Variants in EEIG1 observed in about 807,000 individuals in gnomAD.
EEIG1 encodes the protein estrogen-induced osteoclastogenesis regulator 1, also known as early estrogen-induced gene 1 protein.
At chr9:127,953,135 G>GAA in the EEIG1 span, 1 of 165,178 alleles carries the variant, frequency 6.1e-6, no homozygotes, top group African/African-American at 2.4e-5. Flanking sequence ...GTCTCCAGAG[G>GAA]AAAAAAAAAA....
chr9:127,953,974 G>C, the EEIG1 span: 14 of 1,607,600 alleles, frequency 8.7e-6, no homozygotes, highest in South Asian at 1.5e-4. Flanking sequence ...ATCCGCGCCA[G>C]GGGACTCCAT....
At chr9:127,952,399 G>A in the EEIG1 span, among the ~76,000 whole-genome samples, 581 of 152,364 alleles carry the variant, frequency 3.8e-3, 3 homozygotes, top group African/African-American at 0.013. Flanking sequence ...TAAGCCTCAG[G>A]AGCTGAGGAG....
chr9:127,968,474 C>T, the EEIG1 span, among the ~76,000 whole-genome samples: 14 of 152,162 alleles, frequency 9.2e-5, no homozygotes, highest in African/African-American at 2.4e-4. Flanking sequence ...CTTCCCCTGT[C>T]GCAAGGATGG....
At chr9:127,960,724 T>C in the EEIG1 span, among the ~76,000 whole-genome samples, 1 of 152,130 alleles carries the variant, frequency 6.6e-6, no homozygotes, top group African/African-American at 2.4e-5. Context: ...TTTGAGAGTT[T>C]GCTGTGGGAA....
At chr9:127,980,255 TGGCGGAGAC>T in the EEIG1 span, 8 of 1,188,226 alleles carry the variant, frequency 6.7e-6, no homozygotes, top group Non-Finnish European at 9.4e-6. Context: ...GCCCTGATGG[TGGCGGAGAC>T]GGCGGAGATC....
At chr9:127,952,313 C>A in the EEIG1 span, among the ~76,000 whole-genome samples, 2 of 152,246 alleles carry the variant, frequency 1.3e-5, no homozygotes, top group African/African-American at 4.8e-5. Context: ...CCCTGTATAG[C>A]GCCTCCCTCG....
chr9:127,942,582 G>T, the EEIG1 span: 1 of 158,964 alleles, frequency 6.3e-6, no homozygotes, highest in Non-Finnish European at 1.4e-5. Flanking sequence ...GTGTGGGTGG[G>T]GTCTGAGGTC....
At chr9:127,970,805 G>A in the EEIG1 span, among the ~76,000 whole-genome samples, 3 of 152,128 alleles carry the variant, frequency 2.0e-5, no homozygotes, top group Non-Finnish European at 4.4e-5. Flanking sequence ...CGCCCTTGCC[G>A]TGCCTCTGCC....
chr9:127,958,242 C>T, the EEIG1 span, among the ~76,000 whole-genome samples: 1 of 152,084 alleles, frequency 6.6e-6, no homozygotes. Context: ...AAGAGCTAAA[C>T]TATAAAATGT....
At chr9:127,945,009 G>T in the EEIG1 span, 1 of 1,278,040 alleles carries the variant, frequency 7.8e-7, no homozygotes, top group Non-Finnish European at 1.1e-6. This position sits in a 1 kb window ranked among gnomAD's most constrained non-coding sequence, Gnocchi z 6.5. Flanking sequence ...GAATGTCCCT[G>T]TGCGCTCCGT....
At chr9:127,980,294 C>T in the EEIG1 span, 2 of 734,018 alleles carry the variant, frequency 2.7e-6, no homozygotes, top group South Asian at 3.7e-5. Flanking sequence ...GGCCCCAGGT[C>T]TGAGAGATCC....
chr9:127,962,206 T>C, the EEIG1 span, among the ~76,000 whole-genome samples: 1 of 152,132 alleles, frequency 6.6e-6, no homozygotes, highest in Non-Finnish European at 1.5e-5. Context: ...AAGTGACATA[T>C]GTAAATGCCC....
chr9:127,948,475 C>G, the EEIG1 span: 2 of 1,530,198 alleles, frequency 1.3e-6, no homozygotes, highest in Middle Eastern at 1.7e-4. Context: ...AGGCGCAGGG[C>G]CCCCTGCAGC....
the EEIG1 span, among the ~76,000 whole-genome samples, chr9:127,957,424 T>C: frequency 6.6e-6 from 1 of 152,116 alleles, no homozygotes; most frequent in Non-Finnish European, 1.5e-5. Context: ...ACAAAATACA[T>C]ACTCCGGAAA....
chr9:127,949,869 G>T, the EEIG1 span, among the ~76,000 whole-genome samples: 4,551 of 152,338 alleles, frequency 0.03, 102 homozygotes, highest in South Asian at 0.07. Context: ...GGGTGGGGCT[G>T]CCCTGTCCAC....
the EEIG1 span, among the ~76,000 whole-genome samples, chr9:127,961,877 T>C: frequency 6.6e-6 from 1 of 152,124 alleles, no homozygotes; most frequent in African/African-American, 2.4e-5. Context: ...CCAGTGTAGC[T>C]GGGGCGGAGG....
chr9:127,943,161 A>G, the EEIG1 span: 23 of 1,610,892 alleles, frequency 1.4e-5, no homozygotes, highest in South Asian at 2.2e-4. Flanking sequence ...CAGAGAAAGC[A>G]GGACTCTTCT....
the EEIG1 span, chr9:127,945,452 G>T: frequency 1.3e-6 from 2 of 1,562,746 alleles, no homozygotes; most frequent in South Asian, 1.2e-5. This position sits in a 1 kb window ranked among gnomAD's most constrained non-coding sequence, Gnocchi z 6.5. Context: ...CTGCCCTCAG[G>T]GCCCTCCACG....
At chr9:127,964,501 G>T in the EEIG1 span, among the ~76,000 whole-genome samples, 1 of 152,240 alleles carries the variant, frequency 6.6e-6, no homozygotes, top group African/African-American at 2.4e-5. Flanking sequence ...ACAGACAGGG[G>T]TCAAATGGGC....
Sources: gnomAD v4.1 joint callset for allele counts (sites outside exome capture counted in the v4.1 genomes callset) on GRCh38, gnomAD v4.1.1 for gene constraint, Gnocchi (gnomAD v3.1) non-coding constraint, MANE v1.5 for transcripts, NCBI Gene and HGNC (gene_info 2026-07-23, HGNC 2026-07-21) for gene names.